Variants in GRIN2B observed in about 807,000 individuals in gnomAD.
The protein encoded by GRIN2B is glutamate receptor ionotropic, NMDA 2B.
GRIN2B carries 5 observed loss-of-function variants against 114.5 expected under a neutral mutation model. The observed-to-expected ratio is 0.04, with a 90% CI of 0.02 to 0.09. GRIN2B has a LOEUF of 0.09. GRIN2B is among the 10% of genes least tolerant of loss of function. The pLI, the probability that GRIN2B is intolerant of heterozygous loss-of-function variation, is 1.00. For missense variants in GRIN2B, 1,108 were observed against 1,943.5 expected (o/e 0.57, Z 8.08); for synonymous variants, 787 against 745.1 (o/e 1.06, Z -0.92).
intron 4 of GRIN2B, among the ~76,000 whole-genome samples, chr12:13,687,566 T>C (rs182188367): frequency 1.3e-5 from 2 of 152,348 alleles, no homozygotes; most frequent in East Asian, 3.9e-4. Flanking sequence ...ATATTTCTGA[T>C]TGGAATGTTC....
chr12:13,712,839 C>A (rs1950426219), intron 4 of GRIN2B, among the ~76,000 whole-genome samples: 1 of 151,762 alleles, frequency 6.6e-6, no homozygotes, highest in African/African-American at 2.4e-5. Context: ...TTCTAGGTAC[C>A]CCCACATCTT....
intron 5 of GRIN2B, among the ~76,000 whole-genome samples, chr12:13,659,987 T>C (rs950583011): frequency 6.6e-6 from 1 of 152,168 alleles, no homozygotes; most frequent in African/African-American, 2.4e-5. Flanking sequence ...CAGGGCTGTA[T>C]GGCAGCGGGC....
At chr12:13,648,355 G>A (rs1174245003) in intron 5 of GRIN2B, among the ~76,000 whole-genome samples, 2 of 151,904 alleles carry the variant, frequency 1.3e-5, no homozygotes, top group Non-Finnish European at 2.9e-5. Context: ...GCATAGAGAA[G>A]TATAAACATT....
intron 5 of GRIN2B, among the ~76,000 whole-genome samples, chr12:13,638,085 A>G (rs901975615): frequency 3.9e-5 from 6 of 152,200 alleles, no homozygotes; most frequent in African/African-American, 7.2e-5. Flanking sequence ...CCAGATGGTG[A>G]GAGTTATGTA....
intron 10 of GRIN2B, among the ~76,000 whole-genome samples, chr12:13,591,748 A>G (rs936550026): frequency 2.0e-5 from 3 of 152,190 alleles, no homozygotes; most frequent in African/African-American, 7.2e-5. Flanking sequence ...TAATATTGCA[A>G]AAGAACACAT....
At chr12:13,792,461 C>T (rs1009072819) in intron 3 of GRIN2B, among the ~76,000 whole-genome samples, 8 of 152,312 alleles carry the variant, frequency 5.3e-5, no homozygotes, top group Non-Finnish European at 1.0e-4. Flanking sequence ...AAGTAAAAAC[C>T]AAAGGAGCTT....
intron 3 of GRIN2B, among the ~76,000 whole-genome samples, chr12:13,770,541 G>A (rs982742508): frequency 6.6e-5 from 10 of 152,198 alleles, no homozygotes; most frequent in Non-Finnish European, 1.5e-5. Context: ...GGAGGTTACA[G>A]AGTTACTTGT....
chr12:13,579,129 G>A (rs1225057227), intron 10 of GRIN2B, among the ~76,000 whole-genome samples: 1 of 152,166 alleles, frequency 6.6e-6, no homozygotes, highest in African/African-American at 2.4e-5. Flanking sequence ...AGAGACGAGT[G>A]TCTGTTCAAA....
intron 5 of GRIN2B, among the ~76,000 whole-genome samples, chr12:13,620,503 A>G (rs956211063): frequency 3.9e-5 from 6 of 152,174 alleles, no homozygotes; most frequent in African/African-American, 1.4e-4. Context: ...CAACCAGCTC[A>G]CCACTGCCCA....
intron 5 of GRIN2B, among the ~76,000 whole-genome samples, chr12:13,639,763 T>C (rs1458241836): frequency 1.3e-5 from 2 of 152,082 alleles, no homozygotes; most frequent in African/African-American, 4.8e-5. Flanking sequence ...TTTCCTCTCT[T>C]TCTTACCTGT....
intron 2 of GRIN2B, among the ~76,000 whole-genome samples, chr12:13,957,120 T>C (rs1193107164): frequency 6.6e-6 from 1 of 152,188 alleles, no homozygotes; most frequent in Non-Finnish European, 1.5e-5. Context: ...GGCCACACCA[T>C]GCCATACCAT....
chr12:13,679,511 C>T (rs1950108795), intron 4 of GRIN2B, among the ~76,000 whole-genome samples: 1 of 152,134 alleles, frequency 6.6e-6, no homozygotes, highest in Non-Finnish European at 1.5e-5. Context: ...ATTTTATCTA[C>T]CTAAGCACTC....
Position 13,699,670 on chromosome 12 carries a change from C to T in GRIN2B, c.1011-23811G>A, listed in dbSNP as rs187574337. Among the ~76,000 whole-genome samples, 24 of 151,900 alleles carry T rather than the reference C, an allele frequency of 1.6e-4. No individual in the cohort carries two copies. In the East Asian group the frequency reaches 4.5e-3, roughly 28 times the overall value. ...TAGCATTATCTCAGCTCACTGCAAC[C>T]TCCGCCTCCTGGGTTCAAGTGATTT... On this transcript the variant is annotated intron_variant, in intron 4 of 13. Transcript: ENST00000609686.
At chr12:13,722,753 C>T (rs1034396672) in intron 4 of GRIN2B, among the ~76,000 whole-genome samples, 21 of 152,032 alleles carry the variant, frequency 1.4e-4, no homozygotes, top group Admixed American at 3.9e-4. Context: ...ATTTGAGATC[C>T]GTGGCTTCAT....
intron 2 of GRIN2B, among the ~76,000 whole-genome samples, chr12:13,903,451 T>C (rs2136789938): frequency 6.6e-6 from 1 of 152,262 alleles, no homozygotes; most frequent in South Asian, 2.1e-4. Flanking sequence ...TCGAAATAGT[T>C]TCTAAACTTC....
intron 3 of GRIN2B, among the ~76,000 whole-genome samples, chr12:13,846,687 G>A (rs1467973430): frequency 1.3e-5 from 2 of 152,144 alleles, no homozygotes; most frequent in Admixed American, 1.3e-4. Flanking sequence ...AGCCACGAAG[G>A]GCCCAGAAAC....
chr12:13,555,496 G>C lies in GRIN2B; in HGVS notation c.*7287C>G, dbSNP rs183832112. ...TTGTCTTTAGAGATAGTTGTAGGACGGGTGTTTTTGAGATAGTTGCAGGTA... is the reference window on the plus strand; with the variant it reads ...TTGTCTTTAGAGATAGTTGTAGGACCGGTGTTTTTGAGATAGTTGCAGGTA... On this transcript the variant is annotated 3_prime_UTR_variant, in exon 14 of 14. Coordinates refer to ENST00000609686, the MANE Select transcript of GRIN2B (RefSeq NM_000834.5). 6.6e-6 allele frequency: 1 copy of C among 152,110 alleles called. No homozygotes were observed. The highest frequency in any genetic ancestry group is 1.9e-4 in the East Asian group (1 of 5,196). The allele number at this position is 152,110 out of a possible 1,614,324, so 9.4% of individuals were successfully genotyped here. A position where few individuals can be genotyped will look rare whatever the true frequency, so the allele number is the denominator to read the frequency against.
chr12:13,912,980 C>G (rs965019642), intron 2 of GRIN2B, among the ~76,000 whole-genome samples: 3 of 152,108 alleles, frequency 2.0e-5, no homozygotes, highest in African/African-American at 7.2e-5. Flanking sequence ...GGTTTGGTAA[C>G]TCCTCATGTC....
At chr12:13,956,641 G>C (rs1867597509) in intron 2 of GRIN2B, among the ~76,000 whole-genome samples, 1 of 152,144 alleles carries the variant, frequency 6.6e-6, no homozygotes, top group African/African-American at 2.4e-5. Context: ...GCAACGAGCC[G>C]CATCATCACG....
Sources: allele counts gnomAD v4.1 joint callset (sites outside exome capture counted in the v4.1 genomes callset), GRCh38; gene constraint gnomAD v4.1.1; transcripts MANE v1.5; gene names NCBI Gene and HGNC (gene_info 2026-07-23, HGNC 2026-07-21).